Variants in VPS13B observed in about 807,000 individuals in gnomAD.
VPS13B encodes the protein vacuolar protein sorting 13 homolog B.
VPS13B carries 285 observed loss-of-function variants against 426.4 expected under a neutral mutation model. That is an observed-to-expected ratio of 0.67 (90% CI 0.61 to 0.74). The LOEUF is 0.74. Among genes scored for constraint, VPS13B ranks in the 30% least tolerant of loss-of-function variants. VPS13B has a pLI of 0.00. For synonymous variants in VPS13B, 1,676 were observed against 1,676.4 expected, an observed-to-expected ratio of 1.00 and a Z score of 0.01; for missense variants, 4,537 against 4,782.6, an observed-to-expected ratio of 0.95 and a Z score of 1.51.
chr8:99,762,035 T>C (rs1262601884), intron 39 of VPS13B, among the ~76,000 whole-genome samples: 2 of 152,094 alleles, frequency 1.3e-5, no homozygotes, highest in African/African-American at 2.4e-5. Context: ...GGTTTTTTTT[T>C]TATTTTTTTG....
intron 24 of VPS13B, among the ~76,000 whole-genome samples, chr8:99,478,447 GTT>G (rs56261645): frequency 1.7e-3 from 148 of 85,730 alleles, no homozygotes; most frequent in East Asian, 0.011. Flanking sequence ...TTTTTGTTTT[GTT>G]TTTTTTTTTT....
chr8:99,467,333 G>A lies in VPS13B; in HGVS notation c.3446-81G>A, dbSNP rs1056533716. On this transcript the variant is annotated intron_variant, in intron 23 of 61. Transcript: ENST00000357162. The stretch of plus-strand genomic sequence containing the variant: ...GCAGTATTAGTCATAAATGTTAAAT[G>A]TTTTACATTTTACTATCAAGTGAAA... 5 of 1,380,998 alleles carry A rather than the reference G, an allele frequency of 3.6e-6. No individual in the cohort carries two copies. The African/African-American group carries it at 7.1e-5, about 20-fold the overall frequency. 85.5% of individuals were successfully genotyped at this position (1,380,998 alleles called of 1,614,324 possible). A position where few individuals can be genotyped will look rare whatever the true frequency, so the allele number is the denominator to read the frequency against.
At chr8:99,532,698 C>T (rs959194492) in intron 30 of VPS13B, among the ~76,000 whole-genome samples, 1 of 151,576 alleles carries the variant, frequency 6.6e-6, no homozygotes, top group African/African-American at 2.4e-5. Context: ...TTATTTTTAA[C>T]ATAGTTGATG....
intron 19 of VPS13B, among the ~76,000 whole-genome samples, chr8:99,367,922 G>T (rs899265344): frequency 6.6e-6 from 1 of 152,130 alleles, no homozygotes; most frequent in Non-Finnish European, 1.5e-5. Context: ...CCAAAGTGCT[G>T]GGATTACAGG....
At chr8:99,418,455 T>TTTTCTTTTTC (rs1554779658) in intron 21 of VPS13B, among the ~76,000 whole-genome samples, 2 of 122,668 alleles carry the variant, frequency 1.6e-5, no homozygotes, top group African/African-American at 6.2e-5. Flanking sequence ...TTTATCATAG[T>TTTTCTTTTTC]TTTCTTTCTT....
intron 19 of VPS13B, among the ~76,000 whole-genome samples, chr8:99,339,603 C>G (rs527269169): frequency 6.6e-6 from 1 of 150,790 alleles, no homozygotes. Flanking sequence ...ATCCAAACCA[C>G]GTCAGTTTTT....
chr8:99,137,854 C>T (rs567461939), intron 12 of VPS13B, among the ~76,000 whole-genome samples: 71 of 152,282 alleles, frequency 4.7e-4, no homozygotes, highest in African/African-American at 1.7e-3. Context: ...GTTTTTGCCT[C>T]TGTGTCTTTC....
intron 17 of VPS13B, among the ~76,000 whole-genome samples, chr8:99,262,859 G>T (rs577503178): frequency 3.3e-5 from 5 of 151,956 alleles, no homozygotes; most frequent in South Asian, 2.1e-4. Flanking sequence ...TGACCATGAC[G>T]CACTGAAGCC....
chr8:99,325,672 T>C (rs1810215797), intron 19 of VPS13B, among the ~76,000 whole-genome samples: 1 of 152,190 alleles, frequency 6.6e-6, no homozygotes, highest in African/African-American at 2.4e-5. Flanking sequence ...CCCTTAACAT[T>C]ATTTTCCATG....
chr8:99,648,011 G>A (rs1253724383), intron 34 of VPS13B, among the ~76,000 whole-genome samples: 2 of 152,160 alleles, frequency 1.3e-5, no homozygotes, highest in Non-Finnish European at 2.9e-5. Context: ...ACTTTAATCA[G>A]TCTGGCTTTT....
chr8:99,227,904 A>C (rs921370509), intron 17 of VPS13B, among the ~76,000 whole-genome samples: 2 of 152,166 alleles, frequency 1.3e-5, no homozygotes, highest in Admixed American at 6.5e-5. Context: ...AAGTTGTAAC[A>C]CTATGCTGCT....
chr8:99,449,378 G>A (rs568932275), intron 23 of VPS13B, among the ~76,000 whole-genome samples: 32 of 152,312 alleles, frequency 2.1e-4, no homozygotes, highest in Non-Finnish European at 3.2e-4. Context: ...ATATGGTGAA[G>A]TATCCATGGG....
intron 39 of VPS13B, among the ~76,000 whole-genome samples, chr8:99,732,727 G>A (rs902625963): frequency 6.6e-6 from 1 of 152,224 alleles, no homozygotes; most frequent in Admixed American, 6.5e-5. Context: ...CGAAAGGTCT[G>A]CCAAGGCAGA....
At position 99,275,145 on chromosome 8, in the gene VPS13B, T is replaced by C. The variant is rs1161109130; in HGVS notation, c.2715T>C (p.His905=). The change falls in exon 19 of 62, where the codon CAT becomes CAC. Residue 905 remains histidine, a synonymous_variant. Coordinates refer to ENST00000357162, the MANE Select transcript of VPS13B (RefSeq NM_152564.5). ...LQGPSDTKDL[H]STKWLNESRK... is the part of the protein sequence containing the mutation. ...GTCCTTCTGACACTAAAGACCTTCA[T>C]AGCACCAAGTGGCTCAATGAGAGTA... The C allele has an allele frequency of 2.5e-6, 4 of 1,612,866 alleles. No homozygotes were observed. Among genetic ancestry groups the C allele is most frequent in the African/African-American group, 1.3e-5 (1 of 74,988 alleles).
chr8:99,717,448 A>T, intron 37 of VPS13B, 75 bp downstream of exon 37: 1 of 1,341,946 alleles, frequency 7.5e-7, no homozygotes, highest in South Asian at 1.2e-5. Flanking sequence ...TGTTTCACTA[A>T]ATTTTAAATC....
intron 50 of VPS13B, 83 bp from the exon 51 acceptor site, chr8:99,823,748 TA>T: frequency 6.9e-7 from 1 of 1,447,668 alleles, no homozygotes; most frequent in Non-Finnish European, 9.6e-7. Context: ...GACAATTAGA[TA>T]AAATAACCTT....
chr8:99,828,394 G>GT lies in VPS13B; in HGVS notation c.9331-3935dup, dbSNP rs555108452. Among the ~76,000 whole-genome samples, 116 of 17,446 alleles carry GT rather than the reference G, an allele frequency of 6.6e-3. 7 individuals carry two copies. The highest frequency in any genetic ancestry group is 0.056 in the Middle Eastern group (2 of 36). The allele number at this position is 17,446 out of a possible 152,430, so 11.4% of individuals were successfully genotyped here. A position where few individuals can be genotyped will look rare whatever the true frequency, so the allele number is the denominator to read the frequency against. On this transcript the variant is annotated intron_variant, in intron 51 of 61. Coordinates refer to ENST00000357162, the MANE Select transcript of VPS13B (RefSeq NM_152564.5). Reference sequence around the variant, plus strand: ...ATCAGAGACTAGGATTACAACCACCGTTTTTTTTTTTTTTTTTTTTTTTTT... The same window carrying GT: ...ATCAGAGACTAGGATTACAACCACCGTTTTTTTTTTTTTTTTTTTTTTTTTT...
Position 99,720,512 on chromosome 8 carries a change from T to C in VPS13B, c.6825T>C (p.Asp2275=). Residue 2275 remains aspartate (D), a synonymous_variant, in exon 38 of 62, where the codon GAT becomes GAC. Transcript: ENST00000357162. ...NQTFKSEQSS[D]DLRTGLFQYV... ...CATTTAAAAGTGAACAAAGTTCAGA[T>C]GACCTACGGACAGGTCTATTTCAGT... The C allele has an allele frequency of 6.2e-7, 1 of 1,614,042 alleles. No individual in the cohort carries two copies. The highest frequency in any genetic ancestry group is 8.5e-7 in the Non-Finnish European group (1 of 1,179,942).
At chr8:99,784,675 C>G (rs1273019917) in intron 43 of VPS13B, among the ~76,000 whole-genome samples, 199 bp downstream of exon 43, 1 of 152,098 alleles carries the variant, frequency 6.6e-6, no homozygotes, top group Non-Finnish European at 1.5e-5. Flanking sequence ...TCCTGTTTAG[C>G]ACTGGTGCTT....
Sources: gnomAD v4.1 joint callset for allele counts (sites outside exome capture counted in the v4.1 genomes callset) on GRCh38, gnomAD v4.1.1 for gene constraint, MANE v1.5 for transcripts, NCBI Gene and HGNC (gene_info 2026-07-23, HGNC 2026-07-21) for gene names.